The following MYO18B variants were observed in gnomAD, a reference collection of about 807,000 sequenced individuals.
MYO18B encodes the protein myosin XVIIIB, also known as unconventional myosin-XVIIIb.
MYO18B carries 204 observed loss-of-function variants against 273.0 expected under a neutral mutation model. The ratio of observed to expected loss-of-function variants is 0.75; its 90% CI spans 0.67 to 0.84. The LOEUF (loss-of-function observed/expected upper bound fraction) is 0.84. MYO18B is among the 40% of genes least tolerant of loss of function. The pLI is 0.00. For synonymous variants in MYO18B, 1,330 were observed against 1,305.7 expected, an observed-to-expected ratio of 1.02 and a Z score of -0.40; for missense variants, 3,212 against 3,287.6, an observed-to-expected ratio of 0.98 and a Z score of 0.56.
In MYO18B at chr22:25,931,507, T is replaced by G. The variant is rs138364766; in HGVS notation, c.5517+10098T>G. Among the ~76,000 whole-genome samples the G allele has an allele frequency of 7.2e-3, 1,093 of 152,216 alleles. 19 individuals are homozygous for G. The highest frequency in any genetic ancestry group is 0.025 in the African/African-American group (1,033 of 41,514). On this transcript the variant is annotated intron_variant, in intron 34 of 43. Transcript: ENST00000335473. ...ATTATATCCCCCAAACCCACTTGAGTGCAGTGAATTCTGCAATGGCAGGAG... is the reference window on the plus strand; with the variant it reads ...ATTATATCCCCCAAACCCACTTGAGGGCAGTGAATTCTGCAATGGCAGGAG...
intron 1 of MYO18B, among the ~76,000 whole-genome samples, chr22:25,757,460 G>A (rs542411566): frequency 6.6e-6 from 1 of 151,962 alleles, no homozygotes; most frequent in African/African-American, 2.4e-5. Context: ...GGTGGCACGT[G>A]CCTGTAGTCC....
chr22:26,036,794 C>G, the MYO18B span, among the ~76,000 whole-genome samples: 99 of 152,240 alleles, frequency 6.5e-4, no homozygotes, highest in African/African-American at 2.2e-3. Flanking sequence ...GGATGCAGTC[C>G]CTTAAAGCAC....
chr22:25,795,242 G>A (rs1162683458), intron 11 of MYO18B, among the ~76,000 whole-genome samples: 2 of 152,184 alleles, frequency 1.3e-5, no homozygotes, highest in African/African-American at 4.8e-5. Context: ...TTGATCCAAA[G>A]AGTTTCTTTT....
chr22:25,817,286 TTCTG>T (rs1055181973), intron 12 of MYO18B, among the ~76,000 whole-genome samples: 24 of 151,790 alleles, frequency 1.6e-4, no homozygotes, highest in South Asian at 8.4e-4. Context: ...TTGTCTCTCT[TTCTG>T]TCTCTTTCTC....
intron 8 of MYO18B, among the ~76,000 whole-genome samples, chr22:25,779,305 T>A (rs2145648310): frequency 6.6e-6 from 1 of 152,332 alleles, no homozygotes; most frequent in South Asian, 2.1e-4. Context: ...CTTTTGGTCC[T>A]CATGACAGCC....
At chr22:25,804,838 G>A (rs2088393015) in intron 12 of MYO18B, among the ~76,000 whole-genome samples, 1 of 152,224 alleles carries the variant, frequency 6.6e-6, no homozygotes, top group African/African-American at 2.4e-5. Context: ...TGGCAGATGG[G>A]GCACTGTCAG....
At position 25,992,415 on chromosome 22, in the gene MYO18B, T is replaced by C. The variant is rs748035511; in HGVS notation, c.6209T>C (p.Leu2070Pro). 7 of 1,613,902 alleles carry C rather than the reference T, an allele frequency of 4.3e-6. No homozygotes were observed. The African/African-American group carries it at 8.0e-5, about 18-fold the overall frequency. ...GTGAGGCAAACCCTCCAGACAGACC[T>C]GGAGACATCCATTCGGCGGATTGCC... The part of the protein sequence containing the change: ...AAVRQTLQTD[L>P]ETSIRRIADL... Residue 2070 changes from leucine (L) to proline (P), a missense_variant, in exon 40 of 44, where the codon CTG becomes CCG. Physicochemically the swap from Leu to Pro is moderately conservative, Grantham distance 98. Coordinates refer to ENST00000335473, the MANE Select transcript of MYO18B (RefSeq NM_032608.7).
At chr22:26,017,025 TTTCCTTCCTTCCTTCC>T (rs59617056) in intron 42 of MYO18B, among the ~76,000 whole-genome samples, 51,672 of 123,892 alleles carry the variant, frequency 0.42, 11,032 homozygotes, top group Non-Finnish European at 0.48. Context: ...ATTAGGCTAA[TTTCCTTCCTTCCTTCC>T]TTCCTTCCTT....
intron 21 of MYO18B, among the ~76,000 whole-genome samples, chr22:25,862,094 A>G (rs1033948341): frequency 2.6e-5 from 4 of 152,202 alleles, no homozygotes; most frequent in Non-Finnish European, 4.4e-5. Context: ...TCTGTATGGC[A>G]TTTTACATTC....
intron 12 of MYO18B, among the ~76,000 whole-genome samples, chr22:25,821,644 G>T (rs937185277): frequency 3.3e-5 from 5 of 152,104 alleles, no homozygotes; most frequent in Non-Finnish European, 7.4e-5. Flanking sequence ...GGGCGTGGTG[G>T]TGGGTGCCTG....
At chr22:26,048,721 G>T in the MYO18B span, among the ~76,000 whole-genome samples, 1 of 152,074 alleles carries the variant, frequency 6.6e-6, no homozygotes, top group African/African-American at 2.4e-5. Flanking sequence ...AACAAAACGT[G>T]TTGGCTATTG....
At chr22:25,979,996 T>G (rs1323493311) in intron 39 of MYO18B, among the ~76,000 whole-genome samples, 2 of 152,104 alleles carry the variant, frequency 1.3e-5, no homozygotes. Context: ...TGGAATGATG[T>G]CCAGGCAGAA....
chr22:26,030,933 A>G lies in MYO18B; in HGVS notation c.*503A>G, dbSNP rs1450026893. The G allele has an allele frequency of 1.0e-5, 4 of 398,364 alleles. No individual in the cohort carries two copies. Among genetic ancestry groups the G allele is most frequent in the Middle Eastern group, 6.2e-4 (1 of 1,610 alleles). The allele number at this position is 398,364 out of a possible 1,614,324, so 24.7% of individuals were successfully genotyped here. ...GCTTGTCGATTATATTCCTTTGCCA[A>G]TTCATTTCTCTATCCTGTGTATGTA... On this transcript the variant is annotated 3_prime_UTR_variant, in exon 44 of 44. Transcript: ENST00000335473.
chr22:26,037,775 A>T, the MYO18B span, among the ~76,000 whole-genome samples: 1 of 152,326 alleles, frequency 6.6e-6, no homozygotes, highest in Middle Eastern at 3.4e-3. Context: ...AGAAGAGTTT[A>T]AATGTGTCCT....
chr22:25,969,306 T>C (rs1465510275), intron 39 of MYO18B, among the ~76,000 whole-genome samples: 1 of 152,212 alleles, frequency 6.6e-6, no homozygotes, highest in East Asian at 1.9e-4. Flanking sequence ...AGTAGCCAAA[T>C]CTTATTTTAA....
chr22:25,745,803 A>G (rs535789188), intron 1 of MYO18B, among the ~76,000 whole-genome samples: 1 of 152,100 alleles, frequency 6.6e-6, no homozygotes, highest in Non-Finnish European at 1.5e-5. Context: ...GATGGAATGC[A>G]TTTTCAGCTG....
At chr22:25,982,687 AC>A (rs918196456) in intron 39 of MYO18B, among the ~76,000 whole-genome samples, 1 of 151,434 alleles carries the variant, frequency 6.6e-6, no homozygotes, top group African/African-American at 2.4e-5. Context: ...TCCCCCACTG[AC>A]CCCCTTGCCT....
At position 26,026,553 on chromosome 22, in the gene MYO18B, TCCC is replaced by T. The variant is rs1301744262; in HGVS notation, c.6581_6583del (p.Pro2194del). 6.2e-7 allele frequency: 1 copy of T among 1,613,820 alleles called. No homozygotes were observed. The highest frequency in any genetic ancestry group is 1.1e-5 in the South Asian group (1 of 91,056). ...AGACCTCAGGAGACAAGCCTGTTTC[TCCC>T]CACTTTGTCCGCCGGCAAAAGTACT... On this transcript the variant is annotated inframe_deletion, in exon 43 of 44. Transcript: ENST00000335473.
In MYO18B at chr22:25,805,171, T is replaced by C. The variant is rs552412656; in HGVS notation, c.2521+7074T>C. Among the ~76,000 whole-genome samples, 3 of 152,314 alleles carry C rather than the reference T, an allele frequency of 2.0e-5. 1 individual carries two copies. The South Asian group carries it at 6.2e-4, about 32-fold the overall frequency. On this transcript the variant is annotated intron_variant, in intron 12 of 43. Transcript: ENST00000335473. The stretch of plus-strand genomic sequence containing the variant: ...CACCCTTCCCATGCCAGCCCCACGT[T>C]GTGATTTAGCACATGGCATCCCATT...
Sources: allele counts gnomAD v4.1 joint callset (sites outside exome capture counted in the v4.1 genomes callset), GRCh38; gene constraint gnomAD v4.1.1; transcripts MANE v1.5; gene names NCBI Gene and HGNC (gene_info 2026-07-23, HGNC 2026-07-21).